NCEH1: variants seen among roughly 807,000 people sequenced by gnomAD.
NCEH1 encodes the protein 2-acetyl MAGE hydrolase.
NCEH1 carries 9 observed loss-of-function variants against 25.4 expected under a neutral mutation model. The observed-to-expected ratio is 0.35, with a 90% CI of 0.21 to 0.62. The LOEUF (loss-of-function observed/expected upper bound fraction) is 0.62. Among genes scored for constraint, NCEH1 ranks in the 20% least tolerant of loss-of-function variants. The probability of loss-of-function intolerance (pLI) is 0.72; values close to 1 mark genes in which losing one functional copy is unlikely to be tolerated. For synonymous variants in NCEH1, 200 were observed against 199.8 expected (o/e 1.00, Z -0.01); for missense variants, 412 against 501.1 (o/e 0.82, Z 1.70).
At position 172,633,843 on chromosome 3, in the gene NCEH1, T is replaced by C; in HGVS notation, c.859A>G (p.Asn287Asp). The part of the protein sequence containing the change: ...EEAAAVRARL[N>D]WTSLLPASFT... The stretch of plus-strand genomic sequence containing the variant: ...GATGCAGGCAAGAGGGATGTCCAGT[T>C]TAGACGGGCCCTGACAGCAGCAGCC... Residue 287 changes from asparagine (N) to aspartate (D), a missense_variant, in exon 5 of 5, where the codon AAC becomes GAC. Asn to Asp is a conservative substitution (Grantham distance 23). This residue lies in a region of NCEH1 where 210 missense variants were observed against 258.2 expected (regional missense o/e 0.81). Transcript: ENST00000475381. The C allele has an allele frequency of 1.2e-6, 2 of 1,614,208 alleles. No homozygotes were observed. Among genetic ancestry groups the C allele is most frequent in the Non-Finnish European group, 1.7e-6 (2 of 1,180,032 alleles).
chr3:172,634,168 T>TAC, intron 4 of NCEH1, 76 bp from the exon 5 acceptor site: 3 of 1,342,870 alleles, frequency 2.2e-6, no homozygotes, highest in Non-Finnish European at 3.1e-6. Context: ...GTAGAGTAGC[T>TAC]TCATGTGTTA....
At chr3:172,647,484 G>A (rs1444363850) in intron 2 of NCEH1, among the ~76,000 whole-genome samples, 9 of 152,202 alleles carry the variant, frequency 5.9e-5, no homozygotes, top group Admixed American at 5.9e-4. Context: ...CAAAACACAA[G>A]TTGGCAAAAG....
chr3:172,696,642 C>T (rs1359901724), intron 1 of NCEH1, among the ~76,000 whole-genome samples: 1 of 152,172 alleles, frequency 6.6e-6, no homozygotes, highest in East Asian at 1.9e-4. Flanking sequence ...TAGCTCAAAG[C>T]CGGGATTTGA....
intron 1 of NCEH1, among the ~76,000 whole-genome samples, chr3:172,697,866 T>C (rs1251194723): frequency 6.6e-6 from 1 of 152,266 alleles, no homozygotes; most frequent in Admixed American, 6.5e-5. Flanking sequence ...TTAACTACTA[T>C]TTTATAAAGT....
At chr3:172,708,635 C>T (rs557670354) in intron 1 of NCEH1, among the ~76,000 whole-genome samples, 51 of 152,292 alleles carry the variant, frequency 3.3e-4, no homozygotes, top group African/African-American at 1.1e-3. Context: ...GGGATTACAG[C>T]GTGAGCCACC....
intron 1 of NCEH1, among the ~76,000 whole-genome samples, chr3:172,649,401 C>T (rs1440578871): frequency 2.0e-5 from 3 of 152,094 alleles, no homozygotes; most frequent in Admixed American, 6.5e-5. Context: ...TAATATTATT[C>T]GCTGGCAAGT....
At chr3:172,644,319 T>C (rs1175147897) in intron 3 of NCEH1, among the ~76,000 whole-genome samples, 1 of 152,122 alleles carries the variant, frequency 6.6e-6, no homozygotes, top group East Asian at 1.9e-4. Flanking sequence ...GAGCAGCCCC[T>C]TTCAAGAGAC....
Position 172,684,607 on chromosome 3 carries a change from G to A in NCEH1, c.138+26240C>T, listed in dbSNP as rs75210203. Reference sequence around the variant, plus strand: ...CACTGACATAAGGAGCCAATCGAAAGGACACCATCTAGTCTATGTGCAATT... The same window carrying A: ...CACTGACATAAGGAGCCAATCGAAAAGACACCATCTAGTCTATGTGCAATT... On this transcript the variant is annotated intron_variant, in intron 1 of 4. Coordinates refer to ENST00000475381, the MANE Select transcript of NCEH1 (RefSeq NM_020792.6). 4.7e-3 allele frequency among the ~76,000 whole-genome samples: 722 copies of A among 152,280 alleles called. 7 individuals carry two copies. Among genetic ancestry groups the A allele is most frequent in the African/African-American group, 0.016 (681 of 41,562 alleles).
chr3:172,654,771 G>A (rs551972528), intron 1 of NCEH1, among the ~76,000 whole-genome samples: 8 of 152,294 alleles, frequency 5.3e-5, no homozygotes, highest in African/African-American at 1.9e-4. Flanking sequence ...CACATTCAAA[G>A]GTTTGTATTC....
chr3:172,706,793 A>G (rs1714026967), intron 1 of NCEH1, among the ~76,000 whole-genome samples: 3 of 151,832 alleles, frequency 2.0e-5, no homozygotes, highest in Non-Finnish European at 4.4e-5. Flanking sequence ...GAGCCACCAC[A>G]CCCGACCTTC....
chr3:172,686,545 T>C (rs1247983927), intron 1 of NCEH1, among the ~76,000 whole-genome samples: 1 of 152,196 alleles, frequency 6.6e-6, no homozygotes, highest in African/African-American at 2.4e-5. Flanking sequence ...CTTGCATAAG[T>C]TCTATGTGAT....
chr3:172,691,188 C>A (rs182370417), intron 1 of NCEH1, among the ~76,000 whole-genome samples: 55 of 152,272 alleles, frequency 3.6e-4, no homozygotes, highest in African/African-American at 1.2e-3. Flanking sequence ...GAAATTTCTT[C>A]TGCTTCCCCT....
intron 1 of NCEH1, among the ~76,000 whole-genome samples, chr3:172,710,575 G>A (rs920736031): frequency 1.3e-5 from 2 of 152,220 alleles, no homozygotes; most frequent in Non-Finnish European, 2.9e-5. Context: ...AAGATATTTA[G>A]GACAGACGAA....
chr3:172,670,577 C>G (rs1711553548), intron 1 of NCEH1, among the ~76,000 whole-genome samples: 1 of 152,166 alleles, frequency 6.6e-6, no homozygotes, highest in South Asian at 2.1e-4. Flanking sequence ...GGGACTCTTA[C>G]GGCCATCAGT....
rs762498765 is a variant in NCEH1 at position 172,711,032 on chromosome 3, A to G, written c.-48T>C. On this transcript the variant is annotated 5_prime_UTR_variant, in exon 1 of 5. Coordinates refer to ENST00000475381, the MANE Select transcript of NCEH1 (RefSeq NM_020792.6). The stretch of plus-strand genomic sequence containing the variant: ...GCGGGCTGGCAAAGAGGAAAGGGCG[A>G]TACCACCCGGAGACCTCCGGCAACT... The G allele has an allele frequency of 3.1e-6, 5 of 1,612,958 alleles. No homozygotes were observed. In the African/African-American group the frequency reaches 5.3e-5, roughly 17 times the overall value.
chr3:172,662,801 C>T (rs561587428), intron 1 of NCEH1, among the ~76,000 whole-genome samples: 2 of 152,098 alleles, frequency 1.3e-5, no homozygotes, highest in Non-Finnish European at 2.9e-5. Flanking sequence ...TCTGTGGGAT[C>T]GGTGGTGATA....
intron 1 of NCEH1, among the ~76,000 whole-genome samples, chr3:172,685,562 G>C (rs1712650140): frequency 6.6e-6 from 1 of 152,206 alleles, no homozygotes; most frequent in Admixed American, 6.5e-5. Context: ...GTTCAGACAA[G>C]AATCAGGGCA....
In NCEH1 at chr3:172,710,920, G is replaced by A; in HGVS notation, c.65C>T (p.Pro22Leu). Residue 22 changes from proline to leucine, a missense_variant, in exon 1 of 5, where the codon CCG (proline) becomes CTG (leucine). By Grantham distance (98) the Pro-to-Leu change is moderately conservative. Around this residue, in one of 3 missense-constraint regions of NCEH1, gnomAD observed 178 missense variants for 189.2 expected, o/e 0.94. Transcript: ENST00000475381. ...VALAAYYVYI[P>L]LPGSVSDPWK... ...GGGGTCGGACACGGAGCCAGGCAGCGGGATGTAGACGTAATAGGCGGCCAG... is the reference window on the plus strand; with the variant it reads ...GGGGTCGGACACGGAGCCAGGCAGCAGGATGTAGACGTAATAGGCGGCCAG... 1 of 1,614,112 alleles carries A rather than the reference G, an allele frequency of 6.2e-7. No homozygotes were observed. Among genetic ancestry groups the A allele is most frequent in the Non-Finnish European group, 8.5e-7 (1 of 1,179,976 alleles).
intron 1 of NCEH1, among the ~76,000 whole-genome samples, chr3:172,655,069 T>C (rs1006005393): frequency 6.6e-6 from 1 of 152,168 alleles, no homozygotes; most frequent in South Asian, 2.1e-4. Flanking sequence ...CTGAGGTGAA[T>C]TGAGTTTTAA....
Sources: allele counts gnomAD v4.1 joint callset (sites outside exome capture counted in the v4.1 genomes callset), GRCh38; gene constraint gnomAD v4.1.1; regional missense constraint gnomAD v4.1.1; transcripts MANE v1.5; gene names NCBI Gene and HGNC (gene_info 2026-07-23, HGNC 2026-07-21).